Variants in KCNQ1 observed in about 807,000 individuals in gnomAD.
KCNQ1 encodes potassium voltage-gated channel subfamily Q member 1, also known as potassium voltage-gated channel subfamily KQT member 1.
KCNQ1 carries 49 observed loss-of-function variants against 72.4 expected under a neutral mutation model. That is an observed-to-expected ratio of 0.68 (90% CI 0.54 to 0.86). The LOEUF is 0.86. Among genes scored for constraint, KCNQ1 ranks in the 40% least tolerant of loss-of-function variants. The pLI, the probability that KCNQ1 is intolerant of heterozygous loss-of-function variation, is 0.00. For synonymous variants in KCNQ1, 450 were observed against 412.6 expected (o/e 1.09, Z -1.10); for missense variants, 790 against 945.1 (o/e 0.84, Z 2.15).
chr11:2,624,270 G>T lies in KCNQ1; in HGVS notation c.1393+35416G>T. On this transcript the variant is annotated intron_variant, in intron 10 of 15. Coordinates refer to ENST00000155840, the MANE Select transcript of KCNQ1 (RefSeq NM_000218.3). The surrounding 1 kb of genome is among the most constrained non-coding windows in gnomAD (Gnocchi z 4.9). The stretch of plus-strand genomic sequence containing the variant: ...AGTCCATTTTGTAATCAGATTGTTT[G>T]TTTTCTAATTGTTATGTTTTTAAGG... The T allele has an allele frequency of 2.5e-6, 1 of 398,460 alleles. No homozygotes were observed. The highest frequency in any genetic ancestry group is 3.6e-5 in the East Asian group (1 of 28,058). The allele number at this position is 398,460 out of a possible 1,614,324, so 24.7% of individuals were successfully genotyped here.
intron 15 of KCNQ1, among the ~76,000 whole-genome samples, chr11:2,805,575 A>G (rs367585044): frequency 5.3e-5 from 8 of 152,328 alleles, no homozygotes; most frequent in African/African-American, 1.9e-4. Context: ...CGGTGGACAC[A>G]TCGTCCCTGG....
chr11:2,748,292 A>AAGG lies in KCNQ1; in HGVS notation c.1515-20552_1515-20551insAGG, dbSNP rs1254726499. Reference sequence around the variant, plus strand: ...TGAAGCTGGCATGCCCCCACCCCCTAGCTCACCCTGGGTCCACGCAGGGCC... The same window carrying AAGG: ...TGAAGCTGGCATGCCCCCACCCCCTAAGGGCTCACCCTGGGTCCACGCAGGGCC... On this transcript the variant is annotated intron_variant, in intron 11 of 15. Transcript: ENST00000155840. This position sits in a 1 kb window ranked among gnomAD's most constrained non-coding sequence, Gnocchi z 6.2. Among the ~76,000 whole-genome samples, 2 of 152,026 alleles carry AAGG rather than the reference A, an allele frequency of 1.3e-5. No individual in the cohort carries two copies. Among genetic ancestry groups the AAGG allele is most frequent in the East Asian group, 3.9e-4 (2 of 5,168 alleles).
intron 15 of KCNQ1, among the ~76,000 whole-genome samples, chr11:2,802,751 G>T (rs1311703644): frequency 6.6e-6 from 1 of 152,178 alleles, no homozygotes; most frequent in Non-Finnish European, 1.5e-5. Context: ...GTCTCCTGAA[G>T]ACTGCGAGCT....
At chr11:2,501,712 ATACATC>A (rs1434011901) in intron 1 of KCNQ1, among the ~76,000 whole-genome samples, 1 of 110,416 alleles carries the variant, frequency 9.1e-6, no homozygotes, top group Non-Finnish European at 1.9e-5. Flanking sequence ...CCAGACAAAG[ATACATC>A]AAAAAAAAAA....
In KCNQ1 at chr11:2,515,241, C is replaced by CT. The variant is rs1432124811; in HGVS notation, c.387-12686dup. Among the ~76,000 whole-genome samples the CT allele has an allele frequency of 2.6e-5, 4 of 152,198 alleles. No homozygotes were observed. The highest frequency in any genetic ancestry group is 7.2e-5 in the African/African-American group (3 of 41,450). On this transcript the variant is annotated intron_variant, in intron 1 of 15. Coordinates refer to ENST00000155840, the MANE Select transcript of KCNQ1 (RefSeq NM_000218.3). The surrounding 1 kb of genome is among the most constrained non-coding windows in gnomAD (Gnocchi z 4.7). Reference sequence around the variant, plus strand: ...CCGTCTTTCTGTCCAAGCATCCCATCTGTCTAGCTTCCACTCATGAGTGAG... The same window carrying CT: ...CCGTCTTTCTGTCCAAGCATCCCATCTTGTCTAGCTTCCACTCATGAGTGAG...
rs1850272470 is a variant in KCNQ1 at position 2,675,242 on chromosome 11, A to C, written c.1514+13161A>C. ...ATAGCCAGGGCCAAACCAGCTCCCA[A>C]GCAGTACTGTTTCAGAAGTGAAGAT... On this transcript the variant is annotated intron_variant, in intron 11 of 15. Transcript: ENST00000155840. 7.5e-6 allele frequency: 3 copies of C among 398,538 alleles called. No individual in the cohort carries two copies. In the Admixed American group the frequency reaches 1.3e-4, roughly 18 times the overall value. 24.7% of individuals were successfully genotyped at this position (398,538 alleles called of 1,614,324 possible).
intron 1 of KCNQ1, among the ~76,000 whole-genome samples, chr11:2,520,592 A>C (rs1447858355): frequency 1.3e-5 from 2 of 152,128 alleles, no homozygotes; most frequent in Non-Finnish European, 1.5e-5. Context: ...CAGCCCTGGC[A>C]GGCTGTGAGA....
rs921375147 is a variant in KCNQ1 at position 2,708,619 on chromosome 11, A to G, written c.1514+46538A>G. ...ACTCACCCCAGGGCCTCTAATTTTG[A>G]CCCTTGATCTGGGTCTAAGCACCTC... On this transcript the variant is annotated intron_variant, in intron 11 of 15. Coordinates refer to ENST00000155840, the MANE Select transcript of KCNQ1 (RefSeq NM_000218.3). Among the ~76,000 whole-genome samples the G allele has an allele frequency of 4.6e-5, 7 of 151,676 alleles. 1 individual carries two copies. The East Asian group carries it at 9.8e-4, about 21-fold the overall frequency.
chr11:2,507,080 C>T lies in KCNQ1; in HGVS notation c.387-20848C>T, dbSNP rs1484246466. On this transcript the variant is annotated intron_variant, in intron 1 of 15. Transcript: ENST00000155840. The surrounding 1 kb of genome is among the most constrained non-coding windows in gnomAD (Gnocchi z 5.4). ...TTATATCATCAAATTTATCATGCTT[C>T]TTTCTACTGACTCCGGATTCAGGGC... is the stretch of plus-strand genomic sequence containing the variant. Among the ~76,000 whole-genome samples, 2 of 152,180 alleles carry T rather than the reference C, an allele frequency of 1.3e-5. No homozygotes were observed. Among genetic ancestry groups the T allele is most frequent in the Non-Finnish European group, 2.9e-5 (2 of 68,028 alleles).
At chr11:2,539,124 C>T (rs1847782162) in intron 2 of KCNQ1, among the ~76,000 whole-genome samples, 1 of 152,130 alleles carries the variant, frequency 6.6e-6, no homozygotes, top group Admixed American at 6.5e-5. Context: ...GTCGGCAGCC[C>T]GTGGTCCCTC....
chr11:2,496,778 T>C (rs1846928978), intron 1 of KCNQ1, among the ~76,000 whole-genome samples: 1 of 151,972 alleles, frequency 6.6e-6, no homozygotes, highest in South Asian at 2.1e-4. Context: ...CTTCATAGTG[T>C]CATTGGTCTT....
rs397508131 is a variant in KCNQ1 at position 2,572,986 on chromosome 11, G to A, written c.921G>A (p.Val307=). 2.5e-6 allele frequency: 4 copies of A among 1,612,606 alleles called. No homozygotes were observed. The highest frequency in any genetic ancestry group is 1.7e-4 in the Middle Eastern group (1 of 6,048). ...ACGCAGATGCGCTGTGGTGGGGGGT[G>A]GTAAGTCGGAAACTTCCAGGCATGG... ...GSYADALWWG[V]VTVTTIGYGD... The change falls in exon 6 of 16, where the codon GTG becomes GTA. Residue 307 remains valine (V), a splice_region_variant and synonymous_variant. Coordinates refer to ENST00000155840, the MANE Select transcript of KCNQ1 (RefSeq NM_000218.3).
rs142549208 is a variant in KCNQ1 at position 2,530,868 on chromosome 11, C to T, written c.477+2850C>T. On this transcript the variant is annotated intron_variant, in intron 2 of 15. Coordinates refer to ENST00000155840, the MANE Select transcript of KCNQ1 (RefSeq NM_000218.3). ...GCGTGTGTGTACCTATGTGTATGTA[C>T]GTGTGTTCATGCCTGTGCTGTGTGT... Among the ~76,000 whole-genome samples the T allele has an allele frequency of 1.5e-3, 227 of 152,210 alleles. 1 individual carries two copies. Among genetic ancestry groups the T allele is most frequent in the African/African-American group, 5.2e-3 (215 of 41,512 alleles).
Position 2,588,576 on chromosome 11 carries a change from C to T in KCNQ1, c.1252-137C>T. 9.5e-7 allele frequency: 1 copy of T among 1,052,570 alleles called. No homozygotes were observed. The highest frequency in any genetic ancestry group is 1.4e-6 in the Non-Finnish European group (1 of 703,402). 65.2% of individuals were successfully genotyped at this position (1,052,570 alleles called of 1,614,324 possible). On this transcript the variant is annotated intron_variant, in intron 9 of 15. Transcript: ENST00000155840. The surrounding 1 kb of genome is among the most constrained non-coding windows in gnomAD (Gnocchi z 5.6). ...CTCTGTGTGAAGACACTGGAGCTGG[C>T]CCCAGGCCTCAGGTCCCTGTCCGGG...
chr11:2,692,092 C>T (rs995580715), intron 11 of KCNQ1: 29 of 398,738 alleles, frequency 7.3e-5, no homozygotes, highest in African/African-American at 6.0e-4. Context: ...CTGCCCCCAC[C>T]TCCTCTCCAC....
chr11:2,780,483 G>T (rs1348237690), intron 15 of KCNQ1, among the ~76,000 whole-genome samples: 1 of 152,176 alleles, frequency 6.6e-6, no homozygotes, highest in African/African-American at 2.4e-5. Flanking sequence ...CAGAGCCCCT[G>T]GCCTTCCCTA....
intron 1 of KCNQ1, among the ~76,000 whole-genome samples, chr11:2,503,031 A>G (rs1847042764): frequency 6.6e-6 from 1 of 151,930 alleles, no homozygotes; most frequent in African/African-American, 2.4e-5. Flanking sequence ...TAAAAAAAAC[A>G]AATCAAAGTG....
At chr11:2,618,598 T>C (rs866338001) in intron 10 of KCNQ1, 5 of 398,488 alleles carry the variant, frequency 1.3e-5, no homozygotes, top group East Asian at 1.1e-4. Context: ...GTTTGATCAA[T>C]AGTTTTGTAA....
At position 2,759,971 on chromosome 11, in the gene KCNQ1, T is replaced by C. The variant is rs966882140; in HGVS notation, c.1515-8873T>C. On this transcript the variant is annotated intron_variant, in intron 11 of 15. Coordinates refer to ENST00000155840, the MANE Select transcript of KCNQ1 (RefSeq NM_000218.3). The surrounding 1 kb of genome is among the most constrained non-coding windows in gnomAD (Gnocchi z 4.4). ...CTGGATGGAGGCCAGGCCGCTGAGC[T>C]GCTGGGAATCTGTTCCACAGGTGGG... Among the ~76,000 whole-genome samples the C allele has an allele frequency of 5.9e-5, 9 of 152,206 alleles. No individual in the cohort carries two copies. The highest frequency in any genetic ancestry group is 2.4e-5 in the African/African-American group (1 of 41,448).
Sources: allele counts gnomAD v4.1 joint callset (sites outside exome capture counted in the v4.1 genomes callset), GRCh38; gene constraint gnomAD v4.1.1; non-coding constraint Gnocchi (gnomAD v3.1); transcripts MANE v1.5; gene names NCBI Gene and HGNC (gene_info 2026-07-23, HGNC 2026-07-21).